The following PLCXD1 variants were observed in gnomAD, a reference collection of about 807,000 sequenced individuals.
The protein encoded by PLCXD1 is phosphatidylinositol specific phospholipase C X domain containing 1.
Under a neutral mutation model 37.8 loss-of-function variants are expected in PLCXD1, and 45 were observed. The ratio of observed to expected loss-of-function variants is 1.19; its 90% CI spans 0.94 to 1.53. PLCXD1 has a LOEUF of 1.53. Among genes scored for constraint, PLCXD1 ranks in the 40% most tolerant of loss-of-function variants. The pLI, the probability that PLCXD1 is intolerant of heterozygous loss-of-function variation, is 0.00. For synonymous variants in PLCXD1, 246 were observed against 206.9 expected, an observed-to-expected ratio of 1.19 and a Z score of -1.62; for missense variants, 539 against 454.7, an observed-to-expected ratio of 1.19 and a Z score of -1.69.
At position 299,222 on chromosome X, in the gene PLCXD1, C is replaced by T. The variant is rs2069918657; in HGVS notation, c.859C>T (p.Gln287Ter). Residue 287 changes from glutamine to a stop codon, truncating the protein, a stop_gained, in exon 7 of 7, where the codon CAG becomes TAG. Coordinates refer to ENST00000381657, the MANE Select transcript of PLCXD1 (RefSeq NM_018390.4). LOFTEE classifies it high-confidence loss of function. ...LPRLSAWVRE[Q>*]CPGPGSRCTN... Reference sequence around the variant, plus strand: ...GCGGCTGAGCGCGTGGGTCCGAGAGCAGTGCCCGGGGCCGGGTTCACGGTG... The same window carrying T: ...GCGGCTGAGCGCGTGGGTCCGAGAGTAGTGCCCGGGGCCGGGTTCACGGTG... 1 of 1,613,888 alleles carries T rather than the reference C, an allele frequency of 6.2e-7. No individual in the cohort carries two copies.
upstream of PLCXD1, among the ~76,000 whole-genome samples, chrX:280,339 AGGCCGTGCAGGGGGAAGGGG>A (rs1240025092): frequency 0.062 from 3,419 of 54,930 alleles, 427 homozygotes; most frequent in African/African-American, 0.13. Flanking sequence ...GGGGGAGGGG[AGGCCGTGCAGGGGGAAGGGG>A]GGCCGTGCAG....
chrX:290,277 A>C (rs2069586394), intron 3 of PLCXD1, among the ~76,000 whole-genome samples: 2 of 152,136 alleles, frequency 1.3e-5, no homozygotes, highest in African/African-American at 4.8e-5. Context: ...AATACAAAAC[A>C]AAATTAGCTG....
rs1249076910 is a variant in PLCXD1, at chrX:301,519, C to G, written c.*2184C>G. The G allele has an allele frequency of 6.6e-6, 1 of 152,192 alleles. No homozygotes were observed. The highest frequency in any genetic ancestry group is 2.4e-5 in the African/African-American group (1 of 41,418). 9.4% of individuals were successfully genotyped at this position (152,192 alleles called of 1,614,324 possible). A position where few individuals can be genotyped will look rare whatever the true frequency, so the allele number is the denominator to read the frequency against. On this transcript the variant is annotated 3_prime_UTR_variant, in exon 7 of 7. Coordinates refer to ENST00000381657, the MANE Select transcript of PLCXD1 (RefSeq NM_018390.4). ...GTAGTAGGGGCACAGTCATAGCTCA[C>G]TGTAACCTTCAACGCCTGGGCTGAA...
intron 2 of PLCXD1, among the ~76,000 whole-genome samples, chrX:284,638 GCACA>G (rs1360503414): frequency 1.4e-5 from 2 of 143,616 alleles, no homozygotes; most frequent in East Asian, 2.1e-4. Context: ...ACGCACATCT[GCACA>G]CACACATGCA....
chrX:287,781 TTAAG>T (rs1471339548), intron 2 of PLCXD1, among the ~76,000 whole-genome samples: 1 of 149,954 alleles, frequency 6.7e-6, no homozygotes, highest in Non-Finnish European at 1.5e-5. Context: ...ATATCTATAT[TTAAG>T]AAATAACAAC....
chrX:302,974 A>G lies in PLCXD1; in HGVS notation c.*3639A>G, dbSNP rs1256522261. On this transcript the variant is annotated 3_prime_UTR_variant, in exon 7 of 7. Coordinates refer to ENST00000381657, the MANE Select transcript of PLCXD1 (RefSeq NM_018390.4). ...ATTTTTACTCCCCTTTCCCAAGCAA[A>G]TCGTGCATTTTTGTCTAACGAGAGA... 3 of 152,112 alleles carry G rather than the reference A, an allele frequency of 2.0e-5. No individual in the cohort carries two copies. The highest frequency in any genetic ancestry group is 2.1e-4 in the South Asian group (1 of 4,832). 9.4% of individuals were successfully genotyped at this position (152,112 alleles called of 1,614,324 possible).
At chrX:279,078 G>C (rs1344067940), upstream of PLCXD1, among the ~76,000 whole-genome samples, 1 of 152,148 alleles carries the variant, frequency 6.6e-6, no homozygotes, top group African/African-American at 2.4e-5. Flanking sequence ...TACAGCAAAA[G>C]GTGGTTATCT....
rs2069931239 is a variant in PLCXD1, at chrX:299,454, ATT to A, written c.*122_*123del. On this transcript the variant is annotated 3_prime_UTR_variant, in exon 7 of 7. Coordinates refer to ENST00000381657, the MANE Select transcript of PLCXD1 (RefSeq NM_018390.4). ...ATAGGACCGATGATAATACGTTTTC[ATT>A]TTCTTTAAAATAGAGATGGGGTGGC... 1.2e-6 allele frequency: 1 copy of A among 801,534 alleles called. No homozygotes were observed. Among genetic ancestry groups the A allele is most frequent in the East Asian group, 2.5e-5 (1 of 40,152 alleles). The allele number at this position is 801,534 out of a possible 1,614,324, so 49.7% of individuals were successfully genotyped here.
At chrX:294,446 A>C (rs765315922) in intron 6 of PLCXD1, among the ~76,000 whole-genome samples, 212 of 149,530 alleles carry the variant, frequency 1.4e-3, no homozygotes, top group Middle Eastern at 3.5e-3. Context: ...CACGCCACTG[A>C]ACTCCAGCCT....
chrX:295,735 G>A (rs1423776855), intron 6 of PLCXD1, among the ~76,000 whole-genome samples: 2 of 151,824 alleles, frequency 1.3e-5, no homozygotes, highest in African/African-American at 4.8e-5. Context: ...CACCATGTTG[G>A]TCGGGCTGGT....
intron 3 of PLCXD1, 25 bp downstream of exon 3, chrX:288,894 G>A: frequency 6.2e-7 from 1 of 1,609,974 alleles, no homozygotes; most frequent in African/African-American, 1.3e-5. Flanking sequence ...CCGTGCTGCT[G>A]ACCTGGCCTG....
At chrX:293,918 G>A (rs1333329497) in intron 6 of PLCXD1, among the ~76,000 whole-genome samples, 1 of 152,222 alleles carries the variant, frequency 6.6e-6, no homozygotes, top group Non-Finnish European at 1.5e-5. Context: ...TCTCCTTTTA[G>A]GACGATGAGA....
chrX:288,671 C>G, intron 2 of PLCXD1, 62 bp from the exon 3 acceptor site: 1 of 1,583,582 alleles, frequency 6.3e-7, no homozygotes, highest in South Asian at 1.1e-5. Flanking sequence ...TGTGGAGCGA[C>G]TCACAGCAGG....
rs2069975277 is a variant in PLCXD1, at chrX:300,494, GTGTATATA to G, written c.*1167_*1174del. 1 of 136,734 alleles carries G rather than the reference GTGTATATA, an allele frequency of 7.3e-6. No homozygotes were observed. The highest frequency in any genetic ancestry group is 1.6e-5 in the Non-Finnish European group (1 of 63,888). The allele number at this position is 136,734 out of a possible 1,614,324, so 8.5% of individuals were successfully genotyped here. A position where few individuals can be genotyped will look rare whatever the true frequency, so the allele number is the denominator to read the frequency against. On this transcript the variant is annotated 3_prime_UTR_variant, in exon 7 of 7. Transcript: ENST00000381657. ...TGTGTGTGTGTATATGTGTGTATGT[GTGTATATA>G]TGTATATGTGTGCATATGTGTATAC...
intron 6 of PLCXD1, among the ~76,000 whole-genome samples, chrX:296,323 G>A (rs923146271): frequency 6.6e-6 from 1 of 151,256 alleles, no homozygotes; most frequent in Admixed American, 6.6e-5. Context: ...AAGGGTTTCA[G>A]CGTGTTGGTC....
At position 288,133 on chromosome X, in the gene PLCXD1, A is replaced by G. The variant is rs186927403; in HGVS notation, c.128-600A>G. On this transcript the variant is annotated intron_variant, in intron 2 of 6. Coordinates refer to ENST00000381657, the MANE Select transcript of PLCXD1 (RefSeq NM_018390.4). ...GTCTCCTAAGGACACCTGTCATTGC[A>G]TTTAGGACCCAGCACAAAGCCAAGA... 2.1e-4 allele frequency among the ~76,000 whole-genome samples: 32 copies of G among 149,776 alleles called. No homozygotes were observed. In the East Asian group the frequency reaches 6.2e-3, roughly 29 times the overall value.
At chrX:283,807 C>A (rs775987588) in intron 1 of PLCXD1, 1 of 188,518 alleles carries the variant, frequency 5.3e-6, no homozygotes, top group African/African-American at 2.4e-5. Context: ...AGGGCTTTCA[C>A]GCTAGACAAG....
chrX:290,580 A>C, intron 3 of PLCXD1, 68 bp from the exon 4 acceptor site: 2 of 1,578,254 alleles, frequency 1.3e-6, no homozygotes, highest in Non-Finnish European at 1.7e-6. Flanking sequence ...CCAACCCCAC[A>C]GCCCATTCCT....
At chrX:276,935 C>T (rs976480961), upstream of PLCXD1, among the ~76,000 whole-genome samples, 11 of 152,286 alleles carry the variant, frequency 7.2e-5, no homozygotes, top group African/African-American at 2.2e-4. Flanking sequence ...ACTCAGCGGG[C>T]GGGAAGGTGT....
Sources: gnomAD v4.1 joint callset for allele counts (sites outside exome capture counted in the v4.1 genomes callset) on GRCh38, gnomAD v4.1.1 for gene constraint, MANE v1.5 for transcripts, NCBI Gene and HGNC (gene_info 2026-07-23, HGNC 2026-07-21) for gene names.